The following PLD5 variants were observed in gnomAD, a reference collection of about 807,000 sequenced individuals.
PLD5 encodes the protein phospholipase D family member 5.
PLD5 carries 36 observed loss-of-function variants against 61.1 expected under a neutral mutation model. The observed-to-expected ratio is 0.59, with a 90% CI of 0.45 to 0.78. The LOEUF is 0.78. Among genes scored for constraint, PLD5 ranks in the 30% least tolerant of loss-of-function variants. The pLI is 0.00. For synonymous variants in PLD5, 243 were observed against 242.8 expected (o/e 1.00, Z -0.01); for missense variants, 515 against 644.4 (o/e 0.80, Z 2.17).
chr1:242,322,128 C>T (rs1343483639), intron 2 of PLD5, among the ~76,000 whole-genome samples: 3 of 152,272 alleles, frequency 2.0e-5, no homozygotes, highest in Non-Finnish European at 2.9e-5. Context: ...GTGGGGTTGG[C>T]GTGAAAGCTG....
chr1:242,281,892 T>A (rs183316599), intron 3 of PLD5, among the ~76,000 whole-genome samples: 1 of 152,264 alleles, frequency 6.6e-6, no homozygotes, highest in African/African-American at 2.4e-5. Context: ...TGAAGATTTA[T>A]AATTAATAAA....
intron 9 of PLD5, among the ~76,000 whole-genome samples, chr1:242,098,389 T>C (rs1660422029): frequency 6.6e-6 from 1 of 152,214 alleles, no homozygotes; most frequent in Non-Finnish European, 1.5e-5. Flanking sequence ...GTAGTTCTCA[T>C]GCCGTGGTTT....
At chr1:242,215,685 C>T (rs956808967) in intron 5 of PLD5, among the ~76,000 whole-genome samples, 2 of 152,076 alleles carry the variant, frequency 1.3e-5, no homozygotes, top group Non-Finnish European at 1.5e-5. Flanking sequence ...GGACCTAACC[C>T]GGTACCAGAA....
chr1:242,190,188 C>T (rs1490660791), intron 5 of PLD5, among the ~76,000 whole-genome samples: 4 of 146,630 alleles, frequency 2.7e-5, no homozygotes, highest in African/African-American at 1.0e-4. Flanking sequence ...CTCTGTCGCC[C>T]AGGCTGGAGT....
intron 1 of PLD5, among the ~76,000 whole-genome samples, chr1:242,521,640 A>G (rs1669283460): frequency 6.6e-6 from 1 of 152,244 alleles, no homozygotes. Context: ...TATTTTTTCA[A>G]CATCATAAAA....
intron 5 of PLD5, among the ~76,000 whole-genome samples, chr1:242,187,836 C>A (rs1297452865): frequency 2.0e-5 from 3 of 152,166 alleles, no homozygotes; most frequent in Non-Finnish European, 2.9e-5. Context: ...AAATATGAAT[C>A]TTGCCCAGAA....
At chr1:242,440,509 C>T (rs1054291322) in intron 1 of PLD5, among the ~76,000 whole-genome samples, 2 of 152,186 alleles carry the variant, frequency 1.3e-5, no homozygotes, top group Admixed American at 6.5e-5. Flanking sequence ...GAAAACTGAT[C>T]GGGTATAGAT....
In PLD5 at chr1:242,083,197, G is replaced by A. The variant is rs1309181471; in HGVS notation, c.*6657C>T. The A allele has an allele frequency of 6.6e-6, 1 of 152,210 alleles. No homozygotes were observed. Among genetic ancestry groups the A allele is most frequent in the African/African-American group, 2.4e-5 (1 of 41,448 alleles). The allele number at this position is 152,210 out of a possible 1,614,324, so 9.4% of individuals were successfully genotyped here. A position where few individuals can be genotyped will look rare whatever the true frequency, so the allele number is the denominator to read the frequency against. On this transcript the variant is annotated 3_prime_UTR_variant, in exon 10 of 10. Transcript: ENST00000536534. ...TCTCAGAGTCACCATTACGGTGACT[G>A]TGTCTATTCTGGCTGTGCTTCCTAT...
chr1:242,345,228 G>A (rs192284960), intron 2 of PLD5, among the ~76,000 whole-genome samples: 8 of 152,216 alleles, frequency 5.3e-5, no homozygotes, highest in Admixed American at 4.6e-4. Flanking sequence ...CAGTCTCTTG[G>A]TGCTCTGCCG....
chr1:242,317,008 C>CT lies in PLD5; in HGVS notation c.327-28479dup, dbSNP rs913777385. Among the ~76,000 whole-genome samples, 461 of 144,072 alleles carry CT rather than the reference C, an allele frequency of 3.2e-3. 1 individual carries two copies. Among genetic ancestry groups the CT allele is most frequent in the East Asian group, 7.0e-3 (35 of 5,000 alleles). The allele number at this position is 144,072 out of a possible 152,430, so 94.5% of individuals were successfully genotyped here. Reference sequence around the variant, plus strand: ...ATGCACATTTTCTTTATCCAGTCTACTTTTTTTTTTTTTTCTTGAGACAGA... The same window carrying CT: ...ATGCACATTTTCTTTATCCAGTCTACTTTTTTTTTTTTTTTCTTGAGACAGA... On this transcript the variant is annotated intron_variant, in intron 2 of 9. Transcript: ENST00000536534.
intron 5 of PLD5, among the ~76,000 whole-genome samples, chr1:242,185,459 T>A (rs1667813303): frequency 6.6e-6 from 1 of 152,212 alleles, no homozygotes; most frequent in African/African-American, 2.4e-5. Flanking sequence ...ATTCTTTTCA[T>A]AATTTTGACT....
intron 1 of PLD5, among the ~76,000 whole-genome samples, chr1:242,414,756 A>T (rs1316202803): frequency 6.6e-6 from 1 of 152,226 alleles, no homozygotes; most frequent in African/African-American, 2.4e-5. Flanking sequence ...CAGAAGAAAT[A>T]AAAAAACATA....
intron 1 of PLD5, among the ~76,000 whole-genome samples, chr1:242,475,239 A>T (rs1010733484): frequency 6.6e-6 from 1 of 152,142 alleles, no homozygotes; most frequent in Non-Finnish European, 1.5e-5. Flanking sequence ...CAAGAAAACA[A>T]GGTGAAACCC....
At chr1:242,248,477 A>C (rs1197459798) in intron 4 of PLD5, among the ~76,000 whole-genome samples, 1 of 18,182 alleles carries the variant, frequency 5.5e-5, no homozygotes, top group Non-Finnish European at 3.7e-4. Context: ...TTAAAATACC[A>C]CACCAAAAAA....
chr1:242,368,971 A>G (rs1661489030), intron 1 of PLD5, among the ~76,000 whole-genome samples: 1 of 152,174 alleles, frequency 6.6e-6, no homozygotes, highest in South Asian at 2.1e-4. Context: ...CGTTTGCTCA[A>G]ATAAACTCTT....
intron 3 of PLD5, among the ~76,000 whole-genome samples, chr1:242,266,168 G>A (rs567432902): frequency 2.0e-5 from 3 of 152,334 alleles, no homozygotes; most frequent in South Asian, 4.1e-4. Context: ...TTGAGGCCAA[G>A]AGTCTGAGAC....
intron 1 of PLD5, among the ~76,000 whole-genome samples, chr1:242,438,716 C>T (rs1666130711): frequency 6.6e-6 from 1 of 152,168 alleles, no homozygotes; most frequent in Non-Finnish European, 1.5e-5. Flanking sequence ...GCGTGAGCCA[C>T]CGCACCCGGC....
chr1:242,262,468 C>T (rs1294000947), intron 4 of PLD5, among the ~76,000 whole-genome samples: 1 of 152,222 alleles, frequency 6.6e-6, no homozygotes, highest in Non-Finnish European at 1.5e-5. Context: ...CAGGCATCCT[C>T]ACACCTGCAT....
intron 5 of PLD5, among the ~76,000 whole-genome samples, chr1:242,211,715 C>A (rs1029550895): frequency 6.6e-6 from 1 of 152,060 alleles, no homozygotes; most frequent in Non-Finnish European, 1.5e-5. Context: ...TCACGATGGA[C>A]CCCCCGAAAA....
Sources: allele counts gnomAD v4.1 joint callset (sites outside exome capture counted in the v4.1 genomes callset), GRCh38; gene constraint gnomAD v4.1.1; transcripts MANE v1.5; gene names NCBI Gene and HGNC (gene_info 2026-07-23, HGNC 2026-07-21).